The following CDK13 variants were observed in gnomAD, a reference collection of about 807,000 sequenced individuals.
CDK13 encodes the protein cyclin-dependent kinase 13.
A neutral mutation model predicts 137.6 loss-of-function variants in CDK13; 40 were observed. The observed-to-expected ratio is 0.29, with a 90% CI of 0.23 to 0.38. CDK13 has a LOEUF of 0.38. Ranked by LOEUF, CDK13 falls within the 10% of genes least tolerant of loss-of-function variation. The pLI is 1.00. For synonymous variants in CDK13, 869 were observed against 760.1 expected, an observed-to-expected ratio of 1.14 and a Z score of -2.36; for missense variants, 1,704 against 1,951.8, an observed-to-expected ratio of 0.87 and a Z score of 2.39.
intron 7 of CDK13, among the ~76,000 whole-genome samples, chr7:40,053,862 AAAAG>A (rs1282444742): frequency 3.9e-5 from 6 of 152,142 alleles, no homozygotes; most frequent in African/African-American, 9.7e-5. Flanking sequence ...GAATTATTTT[AAAAG>A]AAAGTTGAGA....
intron 1 of CDK13, among the ~76,000 whole-genome samples, chr7:39,974,454 T>G (rs557168046): frequency 6.6e-6 from 1 of 152,200 alleles, no homozygotes; most frequent in Non-Finnish European, 1.5e-5. Context: ...TAATATTTTT[T>G]AGTGTGTTTT....
In CDK13 at chr7:39,950,635, C is replaced by G. The variant is rs551765285; in HGVS notation, c.-7C>G. 1.5e-6 allele frequency: 2 copies of G among 1,318,476 alleles called. No homozygotes were observed. The highest frequency in any genetic ancestry group is 3.1e-5 in the East Asian group (1 of 31,996). 81.7% of individuals were successfully genotyped at this position (1,318,476 alleles called of 1,614,324 possible). On this transcript the variant is annotated 5_prime_UTR_variant, in exon 1 of 14. Transcript: ENST00000181839. Reference sequence around the variant, plus strand: ...CCCGCGCCGCGCTCTGCGGCTGGCTCTAGGCGATGCCGAGCAGCTCGGACA... The same window carrying G: ...CCCGCGCCGCGCTCTGCGGCTGGCTGTAGGCGATGCCGAGCAGCTCGGACA...
chr7:40,009,909 G>A (rs1294368542), intron 5 of CDK13, among the ~76,000 whole-genome samples: 1 of 152,124 alleles, frequency 6.6e-6, no homozygotes. Context: ...AAATGGGAAA[G>A]GAAGAAGTAA....
At chr7:39,998,473 G>T (rs1236528926) in intron 3 of CDK13, 3 of 101,714 alleles carry the variant, frequency 2.9e-5, no homozygotes, top group Non-Finnish European at 3.9e-5. Flanking sequence ...AAAAAAAAAA[G>T]CCGGGTGTGG....
At chr7:40,032,376 G>A (rs1785398848) in intron 5 of CDK13, among the ~76,000 whole-genome samples, 1 of 152,138 alleles carries the variant, frequency 6.6e-6, no homozygotes, top group African/African-American at 2.4e-5. Context: ...CTGCCAAAGA[G>A]CAGAAGTTTT....
At chr7:40,043,025 G>A (rs1348469563) in intron 5 of CDK13, among the ~76,000 whole-genome samples, 1 of 152,066 alleles carries the variant, frequency 6.6e-6, no homozygotes, top group Non-Finnish European at 1.5e-5. Context: ...CAGTCCTCTC[G>A]CCCCGATCTC....
At chr7:39,976,783 T>G (rs1165393804) in intron 1 of CDK13, among the ~76,000 whole-genome samples, 1 of 151,996 alleles carries the variant, frequency 6.6e-6, no homozygotes, top group Non-Finnish European at 1.5e-5. Context: ...GAATGTAGGG[T>G]CTCTCTCAAC....
chr7:39,950,821 C>T lies in CDK13; in HGVS notation c.180C>T (p.Phe60=), dbSNP rs1243235639. The change falls in exon 1 of 14, where the codon TTC becomes TTT. Residue 60 remains phenylalanine (F), a synonymous_variant. Coordinates refer to ENST00000181839, the MANE Select transcript of CDK13 (RefSeq NM_003718.5). ...CGCCGCCCCCGCCGCCTCTGCTCTT[C>T]CTGGCTGCTCCCGGCACGGCCGCCG... The part of the protein sequence containing the change: ...QPPPPPPPLL[F]LAAPGTAAAA... 19 of 1,423,830 alleles carry T rather than the reference C, an allele frequency of 1.3e-5. No individual in the cohort carries two copies. The highest frequency in any genetic ancestry group is 1.5e-5 in the Non-Finnish European group (17 of 1,097,422). The allele number at this position is 1,423,830 out of a possible 1,614,324, so 88.2% of individuals were successfully genotyped here.
chr7:40,056,793 G>GTGTTGTGAGATACATCCCTGCCTCCACC (rs1371703757), intron 7 of CDK13, among the ~76,000 whole-genome samples: 2 of 152,218 alleles, frequency 1.3e-5, no homozygotes, highest in African/African-American at 4.8e-5. Context: ...ATGGTTGAAT[G>GTGTTGTGAGATACATCCCTGCCTCCACC]TGTTGTGAGA....
At chr7:39,996,344 T>A (rs1391753637) in intron 2 of CDK13, among the ~76,000 whole-genome samples, 1 of 152,194 alleles carries the variant, frequency 6.6e-6, no homozygotes, top group Admixed American at 6.5e-5. Context: ...TTATTATCAT[T>A]ATGAGATTCT....
chr7:40,087,194 A>G (rs1277958546), intron 11 of CDK13, among the ~76,000 whole-genome samples: 1 of 151,996 alleles, frequency 6.6e-6, no homozygotes, highest in Non-Finnish European at 1.5e-5. Flanking sequence ...CCTAGGCTGG[A>G]GTGCAGTTAC....
intron 11 of CDK13, among the ~76,000 whole-genome samples, chr7:40,083,602 A>G (rs1283309325): frequency 6.6e-6 from 1 of 152,220 alleles, no homozygotes; most frequent in Non-Finnish European, 1.5e-5. Context: ...CACTCAATTT[A>G]TGGGAAATGC....
At chr7:40,001,689 A>G (rs1784689139) in intron 4 of CDK13, among the ~76,000 whole-genome samples, 172 bp from the exon 5 acceptor site, 1 of 152,206 alleles carries the variant, frequency 6.6e-6, no homozygotes, top group Admixed American at 6.5e-5. Flanking sequence ...TTAATGACAG[A>G]CTTAATTTTT....
chr7:40,021,104 T>TACACACACACACACAC (rs1491265610), intron 5 of CDK13, among the ~76,000 whole-genome samples: 1 of 14,638 alleles, frequency 6.8e-5, no homozygotes, highest in Non-Finnish European at 4.3e-4. Context: ...CAAACAAACG[T>TACACACACACACACAC]ATATATATAT....
In CDK13 at chr7:40,030,259, G is replaced by A. The variant is rs565708275; in HGVS notation, c.2354-15577G>A. 2.1e-5 allele frequency among the ~76,000 whole-genome samples: 3 copies of A among 143,256 alleles called. No individual in the cohort carries two copies. In the South Asian group the frequency reaches 6.3e-4, roughly 30 times the overall value. The allele number at this position is 143,256 out of a possible 152,430, so 94.0% of individuals were successfully genotyped here. A position where few individuals can be genotyped will look rare whatever the true frequency, so the allele number is the denominator to read the frequency against. On this transcript the variant is annotated intron_variant, in intron 5 of 13. Transcript: ENST00000181839. ...TGTGTGTGTGTGTGTATATGTGTGTGTGTATATATATATATAGAGAGAGAG... is the reference window on the plus strand; with the variant it reads ...TGTGTGTGTGTGTGTATATGTGTGTATGTATATATATATATAGAGAGAGAG...
intron 5 of CDK13, among the ~76,000 whole-genome samples, chr7:40,024,869 A>G (rs886501706): frequency 1.3e-5 from 2 of 151,958 alleles, no homozygotes; most frequent in Non-Finnish European, 2.9e-5. Flanking sequence ...TCACCATGTT[A>G]GCCAGGCTGG....
chr7:40,003,200 A>ACTCTCTCTCTCT (rs1252886780), intron 5 of CDK13, among the ~76,000 whole-genome samples: 95 of 86,334 alleles, frequency 1.1e-3, no homozygotes, highest in African/African-American at 3.5e-3. Flanking sequence ...ACACACACAC[A>ACTCTCTCTCTCT]CACACACTCT....
rs1787049028 is a variant in CDK13, at chr7:40,096,434, C to A, written c.*1454C>A. ...AAGTCTCACTGTGTGCACACTCTCA[C>A]ACATACACACACAATTATACTAATT... On this transcript the variant is annotated 3_prime_UTR_variant, in exon 14 of 14. Coordinates refer to ENST00000181839, the MANE Select transcript of CDK13 (RefSeq NM_003718.5). The A allele has an allele frequency of 6.6e-6, 1 of 152,098 alleles. No homozygotes were observed. Among genetic ancestry groups the A allele is most frequent in the East Asian group, 1.9e-4 (1 of 5,182 alleles). The allele number at this position is 152,098 out of a possible 1,614,324, so 9.4% of individuals were successfully genotyped here. A position where few individuals can be genotyped will look rare whatever the true frequency, so the allele number is the denominator to read the frequency against.
chr7:40,030,276 GAGA>G (rs1785346524), intron 5 of CDK13, among the ~76,000 whole-genome samples: 2 of 128,974 alleles, frequency 1.6e-5, no homozygotes, highest in African/African-American at 9.3e-5. Context: ...TATATATATA[GAGA>G]GAGAGAGAGA....
Sources: gnomAD v4.1 joint callset for allele counts (sites outside exome capture counted in the v4.1 genomes callset) on GRCh38, gnomAD v4.1.1 for gene constraint, MANE v1.5 for transcripts, NCBI Gene and HGNC (gene_info 2026-07-23, HGNC 2026-07-21) for gene names.